SMC5: variants seen among roughly 807,000 people sequenced by gnomAD.
The protein encoded by SMC5 is structural maintenance of chromosomes protein 5.
Under a neutral mutation model 148.3 loss-of-function variants are expected in SMC5, and 88 were observed. The ratio of observed to expected loss-of-function variants is 0.59; its 90% CI spans 0.50 to 0.71. SMC5 has a LOEUF of 0.71. SMC5 is among the 30% of genes least tolerant of loss of function. SMC5 has a pLI of 0.00. For missense variants in SMC5, 1,142 were observed against 1,298.9 expected (o/e 0.88, Z 1.86); for synonymous variants, 421 against 432.8 (o/e 0.97, Z 0.34).
At chr9:70,305,225 CT>C (rs756353619) in intron 10 of SMC5, 21 bp from the exon 11 acceptor site, 31 of 1,167,076 alleles carry the variant, frequency 2.7e-5, no homozygotes, top group East Asian at 9.7e-5. Flanking sequence ...GAAATTCGAC[CT>C]TTTTTTGCTT....
chr9:70,321,628 C>T (rs908439875), intron 15 of SMC5, among the ~76,000 whole-genome samples: 4 of 152,120 alleles, frequency 2.6e-5, no homozygotes, highest in African/African-American at 7.2e-5. Flanking sequence ...TCAGTCCTCC[C>T]GCCTCAGCCT....
chr9:70,310,796 TTGC>T, intron 11 of SMC5: 1 of 152,346 alleles, frequency 6.6e-6, no homozygotes, highest in South Asian at 2.1e-4. Context: ...TCTGGATAAC[TTGC>T]TGCAGCTTCT....
intron 17 of SMC5, among the ~76,000 whole-genome samples, chr9:70,341,450 G>T (rs1192619966): frequency 2.0e-5 from 3 of 152,102 alleles, no homozygotes; most frequent in African/African-American, 7.2e-5. Flanking sequence ...GAGTACAATG[G>T]TCCTTAGCAG....
intron 12 of SMC5, among the ~76,000 whole-genome samples, chr9:70,315,173 A>G (rs1249438672): frequency 1.3e-5 from 2 of 152,052 alleles, no homozygotes; most frequent in African/African-American, 2.4e-5. Flanking sequence ...TAAAATAATT[A>G]TAAGTAAATA....
chr9:70,343,468 G>A (rs1390963296), intron 17 of SMC5, among the ~76,000 whole-genome samples: 1 of 152,166 alleles, frequency 6.6e-6, no homozygotes, highest in East Asian at 1.9e-4. Context: ...ACATTTGAGT[G>A]CTGAGTTTTG....
At position 70,277,457 on chromosome 9, in the gene SMC5, C is replaced by T; in HGVS notation, c.528C>T (p.Cys176=). The T allele has an allele frequency of 6.3e-7, 1 of 1,587,480 alleles. No individual in the cohort carries two copies. The highest frequency in any genetic ancestry group is 8.5e-7 in the Non-Finnish European group (1 of 1,169,804). ...AALNIQVGNL[C]QFLPQDKVGE... ...TAAATATTCAAGTGGGGAATCTTTG[C>T]CAGTTTCTCCCTCAGGTATGAGAGA... Residue 176 remains cysteine (C), a synonymous_variant, in exon 4 of 25, where the codon TGC becomes TGT. Coordinates refer to ENST00000361138, the MANE Select transcript of SMC5 (RefSeq NM_015110.4).
chr9:70,281,591 C>G (rs1389627555), intron 6 of SMC5, among the ~76,000 whole-genome samples: 3 of 152,090 alleles, frequency 2.0e-5, no homozygotes, highest in African/African-American at 7.2e-5. Flanking sequence ...ATTGGTAGAA[C>G]AAAATAGGTA....
chr9:70,310,382 A>G (rs1243015791), intron 11 of SMC5, among the ~76,000 whole-genome samples: 5 of 149,642 alleles, frequency 3.3e-5, no homozygotes, highest in Non-Finnish European at 7.4e-5. Flanking sequence ...GTACATTGTC[A>G]GTGAGCAGTA....
intron 17 of SMC5, among the ~76,000 whole-genome samples, chr9:70,326,314 T>G (rs1245378775): frequency 6.6e-6 from 1 of 152,186 alleles, no homozygotes; most frequent in African/African-American, 2.4e-5. Flanking sequence ...TAACAGTCAT[T>G]GAATTGTACA....
At chr9:70,289,422 C>T (rs905049743) in intron 8 of SMC5, among the ~76,000 whole-genome samples, 4 of 151,982 alleles carry the variant, frequency 2.6e-5, no homozygotes, top group African/African-American at 9.7e-5. Context: ...TCAGTTTTTG[C>T]TTCCTAGATT....
intron 20 of SMC5, among the ~76,000 whole-genome samples, 192 bp downstream of exon 20, chr9:70,347,353 T>G (rs1328295536): frequency 6.6e-6 from 1 of 152,218 alleles, no homozygotes; most frequent in Non-Finnish European, 1.5e-5. Flanking sequence ...GAATTTTAAA[T>G]AGATTCTTCC....
intron 15 of SMC5, among the ~76,000 whole-genome samples, chr9:70,320,630 A>G (rs903304892): frequency 7.9e-5 from 12 of 152,246 alleles, no homozygotes; most frequent in Non-Finnish European, 1.0e-4. Flanking sequence ...ATCATTTTAT[A>G]TAAGGGACTT....
chr9:70,350,354 C>T, intron 23 of SMC5, 22 bp from the exon 24 acceptor site: 1 of 1,609,416 alleles, frequency 6.2e-7, no homozygotes, highest in Non-Finnish European at 8.5e-7. Flanking sequence ...TAAATGTAAT[C>T]ATTATTGTTG....
Position 70,282,494 on chromosome 9 carries a change from A to C in SMC5, c.892A>C (p.Lys298Gln). The C allele has an allele frequency of 1.9e-6, 3 of 1,608,890 alleles. No individual in the cohort carries two copies. Among genetic ancestry groups the C allele is most frequent in the Non-Finnish European group, 2.5e-6 (3 of 1,178,374 alleles). The part of the protein sequence containing the change: ...VRDRVKEEVR[K>Q]LKEGQIPVTC... ...TGACCGAGTGAAGGAAGAGGTCAGAAAACTTAAAGAAGGGCAGATTCCTGT... is the reference window on the plus strand; with the variant it reads ...TGACCGAGTGAAGGAAGAGGTCAGACAACTTAAAGAAGGGCAGATTCCTGT... Residue 298 changes from lysine (K) to glutamine (Q), a missense_variant, in exon 7 of 25, where the codon AAA becomes CAA. This residue lies in a region of SMC5 where 743 missense variants were observed against 835.7 expected (regional missense o/e 0.89). Transcript: ENST00000361138.
chr9:70,333,900 C>G (rs1286472846), intron 17 of SMC5, among the ~76,000 whole-genome samples: 4 of 151,888 alleles, frequency 2.6e-5, no homozygotes, highest in Non-Finnish European at 5.9e-5. Flanking sequence ...ATCTTAAATT[C>G]AATAAAATTC....
At chr9:70,320,127 C>T (rs2035907056) in intron 15 of SMC5, among the ~76,000 whole-genome samples, 1 of 152,180 alleles carries the variant, frequency 6.6e-6, no homozygotes. Flanking sequence ...TCTAGTATAA[C>T]TCCAAACTTA....
At chr9:70,299,949 C>A in intron 9 of SMC5, 97 bp from the exon 10 acceptor site, 2 of 1,127,918 alleles carry the variant, frequency 1.8e-6, no homozygotes, top group Non-Finnish European at 2.4e-6. Flanking sequence ...GTGTTTGTAA[C>A]CTTTAGAACT....
chr9:70,273,356 G>T (rs2034502012), intron 3 of SMC5, among the ~76,000 whole-genome samples: 1 of 151,622 alleles, frequency 6.6e-6, no homozygotes, highest in African/African-American at 2.4e-5. Flanking sequence ...TTATTGACAT[G>T]AATACCATCC....
intron 17 of SMC5, among the ~76,000 whole-genome samples, chr9:70,329,282 A>G (rs1377771371): frequency 6.6e-6 from 1 of 152,176 alleles, no homozygotes; most frequent in Admixed American, 6.5e-5. Flanking sequence ...AAGTTTTCCA[A>G]ACTTTCATGC....
Sources: gnomAD v4.1 joint callset for allele counts (sites outside exome capture counted in the v4.1 genomes callset) on GRCh38, gnomAD v4.1.1 for gene constraint, gnomAD v4.1.1 regional missense constraint, MANE v1.5 for transcripts, NCBI Gene and HGNC (gene_info 2026-07-23, HGNC 2026-07-21) for gene names.